The following ZBTB20 variants were observed in gnomAD, a reference collection of about 807,000 sequenced individuals.
ZBTB20 encodes zinc finger and BTB domain containing 20, also known as zinc finger and BTB domain-containing protein 20.
Under a neutral mutation model 56.9 loss-of-function variants are expected in ZBTB20, and 9 were observed. That is an observed-to-expected ratio of 0.16 (90% CI 0.10 to 0.28). The LOEUF is 0.28. Among genes scored for constraint, ZBTB20 ranks in the 10% least tolerant of loss-of-function variants. The pLI is 1.00. For synonymous variants in ZBTB20, 417 were observed against 420.7 expected (o/e 0.99, Z 0.11); for missense variants, 655 against 1,003.0 (o/e 0.65, Z 4.69).
chr3:114,778,407 T>C (rs1193038953), intron 5 of ZBTB20, among the ~76,000 whole-genome samples: 1 of 151,564 alleles, frequency 6.6e-6, no homozygotes, highest in Non-Finnish European at 1.5e-5. Context: ...AAAAGTCCAA[T>C]AGCAAAATTA....
chr3:115,099,172 A>G (rs920190069), intron 1 of ZBTB20, among the ~76,000 whole-genome samples: 4 of 152,202 alleles, frequency 2.6e-5, no homozygotes, highest in Admixed American at 6.5e-5. Context: ...AAAAAAAGAA[A>G]TAAAGGAAAA....
chr3:114,540,144 A>G (rs1011377368), intron 6 of ZBTB20, among the ~76,000 whole-genome samples: 2 of 151,988 alleles, frequency 1.3e-5, no homozygotes, highest in Admixed American at 6.6e-5. Context: ...GCTCCCACTT[A>G]TAAGTGAGAA....
At chr3:114,577,490 A>G (rs2054206190) in intron 6 of ZBTB20, among the ~76,000 whole-genome samples, 1 of 152,242 alleles carries the variant, frequency 6.6e-6, no homozygotes, top group South Asian at 2.1e-4. Flanking sequence ...TGAAAATCAC[A>G]GAAACACAGT....
At chr3:114,813,458 TA>T (rs943919066) in intron 4 of ZBTB20, among the ~76,000 whole-genome samples, 7 of 151,846 alleles carry the variant, frequency 4.6e-5, no homozygotes, top group Non-Finnish European at 7.4e-5. Context: ...TAATTAACAA[TA>T]AAAAAAATAG....
At chr3:114,748,380 T>TCTCTCTCTCTCTC (rs1277740782) in intron 5 of ZBTB20, among the ~76,000 whole-genome samples, 12 of 36,138 alleles carry the variant, frequency 3.3e-4, no homozygotes, top group South Asian at 9.6e-4. Context: ...CTCTCTCTCT[T>TCTCTCTCTCTCTC]TCTTTCTTTT....
chr3:114,597,924 G>A (rs1291676396), intron 6 of ZBTB20, among the ~76,000 whole-genome samples: 1 of 151,944 alleles, frequency 6.6e-6, no homozygotes, highest in Non-Finnish European at 1.5e-5. Flanking sequence ...TCCTGCCATG[G>A]GAAAAATAAT....
intron 4 of ZBTB20, among the ~76,000 whole-genome samples, chr3:114,839,585 G>T (rs2074296248): frequency 6.6e-6 from 1 of 152,112 alleles, no homozygotes; most frequent in Non-Finnish European, 1.5e-5. Flanking sequence ...GGATCTAATG[G>T]TGACCTTCCA....
chr3:114,807,638 A>G (rs1368268713), intron 4 of ZBTB20, among the ~76,000 whole-genome samples: 4 of 152,094 alleles, frequency 2.6e-5, no homozygotes, highest in African/African-American at 9.7e-5. Context: ...TAAGTTCTTC[A>G]TAGATGCCCT....
chr3:114,750,203 C>T (rs935017255), intron 5 of ZBTB20, among the ~76,000 whole-genome samples: 1 of 152,094 alleles, frequency 6.6e-6, no homozygotes, highest in Non-Finnish European at 1.5e-5. Flanking sequence ...ATTTAAAAAA[C>T]CAGTTTTTAA....
chr3:114,891,873 C>T (rs1445920841), intron 4 of ZBTB20, among the ~76,000 whole-genome samples: 1 of 151,920 alleles, frequency 6.6e-6, no homozygotes, highest in Non-Finnish European at 1.5e-5. Flanking sequence ...ATGGTGAAAC[C>T]CCGTCTCTAC....
intron 5 of ZBTB20, among the ~76,000 whole-genome samples, chr3:114,727,408 A>G (rs1022342057): frequency 6.6e-6 from 1 of 152,168 alleles, no homozygotes; most frequent in African/African-American, 2.4e-5. Context: ...ACCTTGGTTC[A>G]CCTTTTTCTT....
chr3:115,133,696 T>C (rs1348340937), intron 1 of ZBTB20, among the ~76,000 whole-genome samples: 1 of 152,228 alleles, frequency 6.6e-6, no homozygotes, highest in Non-Finnish European at 1.5e-5. Context: ...TGTTATAGTA[T>C]GTATCAGTAC....
intron 6 of ZBTB20, among the ~76,000 whole-genome samples, chr3:114,513,374 T>A (rs768400500): frequency 1.3e-5 from 2 of 152,230 alleles, no homozygotes; most frequent in African/African-American, 4.8e-5. Flanking sequence ...ATTTTATGAA[T>A]TCAACATGTA....
At chr3:114,842,874 A>G (rs932445802) in intron 4 of ZBTB20, among the ~76,000 whole-genome samples, 23 of 152,178 alleles carry the variant, frequency 1.5e-4, no homozygotes, top group South Asian at 8.3e-4. Flanking sequence ...TAGTACTGAT[A>G]TGGTTTGGCT....
chr3:114,852,180 C>T (rs1160307506), intron 4 of ZBTB20, among the ~76,000 whole-genome samples: 2 of 151,634 alleles, frequency 1.3e-5, no homozygotes, highest in African/African-American at 4.8e-5. Context: ...CTCTCACAGA[C>T]AATTTTATTT....
chr3:114,777,076 G>T (rs531719789), intron 5 of ZBTB20, among the ~76,000 whole-genome samples: 5 of 152,048 alleles, frequency 3.3e-5, no homozygotes, highest in African/African-American at 9.6e-5. Context: ...ACTATATTTG[G>T]CACATATATA....
rs548945916 is a variant in ZBTB20 at position 114,693,590 on chromosome 3, G to T, written c.-342-15C>A. The T allele has an allele frequency of 3.3e-5, 5 of 152,062 alleles. No homozygotes were observed. The highest frequency in any genetic ancestry group is 9.7e-5 in the African/African-American group (4 of 41,420). 9.4% of individuals were successfully genotyped at this position (152,062 alleles called of 1,614,324 possible). A position where few individuals can be genotyped will look rare whatever the true frequency, so the allele number is the denominator to read the frequency against. On this transcript the variant is annotated splice_polypyrimidine_tract_variant and intron_variant, in intron 5 of 11. Coordinates refer to ENST00000675478, the MANE Select transcript of ZBTB20 (RefSeq NM_001348800.3). ...GATGAAACATTCTGAAATAAAAAGA[G>T]TACAGGTAAGTGCTAGGTATTTATT...
chr3:114,727,996 G>A (rs1280737913), intron 5 of ZBTB20, among the ~76,000 whole-genome samples: 1 of 152,068 alleles, frequency 6.6e-6, no homozygotes, highest in African/African-American at 2.4e-5. Context: ...AATTGGAAAG[G>A]AAATAATCTT....
chr3:114,818,798 C>T (rs143809903), intron 4 of ZBTB20, among the ~76,000 whole-genome samples: 1,766 of 151,596 alleles, frequency 0.012, 16 homozygotes, highest in South Asian at 0.042. Context: ...TCTACCACAA[C>T]GATTACTTAA....
Sources: gnomAD v4.1 joint callset for allele counts (sites outside exome capture counted in the v4.1 genomes callset) on GRCh38, gnomAD v4.1.1 for gene constraint, MANE v1.5 for transcripts, NCBI Gene and HGNC (gene_info 2026-07-23, HGNC 2026-07-21) for gene names.